Variants in SYT16 observed in about 807,000 individuals in gnomAD.
The protein encoded by SYT16 is synaptotagmin 16.
Under a neutral mutation model 61.4 loss-of-function variants are expected in SYT16, and 42 were observed. The observed-to-expected ratio is 0.68, with a 90% CI of 0.53 to 0.89. SYT16 has a LOEUF of 0.89. Among genes scored for constraint, SYT16 ranks in the 40% least tolerant of loss-of-function variants. The pLI is 0.00. For synonymous variants in SYT16, 314 were observed against 302.3 expected (o/e 1.04, Z -0.40); for missense variants, 804 against 807.3 (o/e 1.00, Z 0.05).
intron 3 of SYT16, among the ~76,000 whole-genome samples, chr14:62,033,718 A>G (rs2054396363): frequency 6.6e-6 from 1 of 152,190 alleles, no homozygotes; most frequent in South Asian, 2.1e-4. Flanking sequence ...ACTCAGACCC[A>G]TAGACATAAA....
chr14:61,872,850 T>G (rs2047372064), intron 1 of SYT16, among the ~76,000 whole-genome samples: 1 of 152,238 alleles, frequency 6.6e-6, no homozygotes, highest in African/African-American at 2.4e-5. Context: ...ATTCAATCTC[T>G]ATTGACTATG....
At chr14:62,000,098 GATTTT>G (rs778607663) in intron 3 of SYT16, among the ~76,000 whole-genome samples, 14,773 of 35,106 alleles carry the variant, frequency 0.42, 2,114 homozygotes, top group Non-Finnish European at 0.45. Flanking sequence ...TTTGTCTCTC[GATTTT>G]TTTTTTTTTT....
At chr14:61,919,048 C>T (rs556489836) in intron 1 of SYT16, among the ~76,000 whole-genome samples, 7 of 152,172 alleles carry the variant, frequency 4.6e-5, no homozygotes, top group Non-Finnish European at 7.3e-5. Context: ...TTTTAACCTG[C>T]CTTTGGCAGT....
At chr14:61,830,605 A>G (rs1206766958) in intron 1 of SYT16, among the ~76,000 whole-genome samples, 1 of 152,168 alleles carries the variant, frequency 6.6e-6, no homozygotes, top group Non-Finnish European at 1.5e-5. Context: ...ACAGATTGAC[A>G]AGATTTCTTT....
intron 3 of SYT16, among the ~76,000 whole-genome samples, chr14:62,046,634 G>T (rs2055000382): frequency 6.6e-6 from 1 of 152,142 alleles, no homozygotes; most frequent in Non-Finnish European, 1.5e-5. Flanking sequence ...TTTTATATAA[G>T]GTGTAAGGAA....
At chr14:62,061,844 A>G (rs1279365777) in intron 3 of SYT16, among the ~76,000 whole-genome samples, 1 of 152,162 alleles carries the variant, frequency 6.6e-6, no homozygotes, top group African/African-American at 2.4e-5. Context: ...ATGAAAAAAA[A>G]CAGCAAGTAT....
chr14:61,996,106 G>A lies in SYT16; in HGVS notation c.87G>A (p.Gln29=). 1 of 1,613,176 alleles carries A rather than the reference G, an allele frequency of 6.2e-7. No homozygotes were observed. The highest frequency in any genetic ancestry group is 8.5e-7 in the Non-Finnish European group (1 of 1,179,456). Residue 29 remains glutamine, a synonymous_variant, in exon 3 of 8, where the codon CAG becomes CAA. Coordinates refer to ENST00000683842, the MANE Select transcript of SYT16 (RefSeq NM_001367656.1). ...TATCTCGGGTTTATGAAGCTCTCCA[G>A]CAAGCAGGAGATATGTTATCTGCTT... ...SWISRVYEAL[Q]QAGDMLSASL... is the part of the protein sequence containing the mutation.
chr14:61,839,800 A>T (rs1021926304), intron 1 of SYT16, among the ~76,000 whole-genome samples: 3 of 152,046 alleles, frequency 2.0e-5, no homozygotes, highest in African/African-American at 4.8e-5. Flanking sequence ...TTACTTAGGG[A>T]AATGTGCCAG....
intron 3 of SYT16, among the ~76,000 whole-genome samples, chr14:62,025,286 A>G (rs1015044008): frequency 6.6e-6 from 1 of 152,064 alleles, no homozygotes; most frequent in Non-Finnish European, 1.5e-5. Context: ...AGCATTTACC[A>G]TTTCTAATAA....
At chr14:61,922,386 A>G (rs2049366726) in intron 1 of SYT16, among the ~76,000 whole-genome samples, 2 of 152,238 alleles carry the variant, frequency 1.3e-5, no homozygotes, top group South Asian at 2.1e-4. Context: ...TTTCAGGAAC[A>G]TGGATGGAGC....
At chr14:61,814,744 C>T (rs928323044) in intron 1 of SYT16, among the ~76,000 whole-genome samples, 2 of 152,186 alleles carry the variant, frequency 1.3e-5, no homozygotes, top group African/African-American at 2.4e-5. Flanking sequence ...TGTGGAGAAA[C>T]ATTATTTTGT....
At chr14:62,050,154 G>A (rs1174515670) in intron 3 of SYT16, among the ~76,000 whole-genome samples, 2 of 152,128 alleles carry the variant, frequency 1.3e-5, no homozygotes, top group Non-Finnish European at 2.9e-5. Context: ...CATATTTCTT[G>A]GAGGCTTTGT....
At chr14:61,900,694 T>G (rs916622916) in intron 1 of SYT16, among the ~76,000 whole-genome samples, 9 of 152,166 alleles carry the variant, frequency 5.9e-5, no homozygotes, top group South Asian at 2.1e-4. Context: ...AATTGCTCAA[T>G]GGGTCACTGG....
intron 1 of SYT16, among the ~76,000 whole-genome samples, chr14:61,948,477 G>A (rs1270445061): frequency 2.7e-4 from 41 of 152,062 alleles, no homozygotes; most frequent in Admixed American, 2.7e-3. Flanking sequence ...AGGCTTTCAC[G>A]GCAGTCGGGC....
At chr14:61,926,645 G>A (rs2049552121) in intron 1 of SYT16, among the ~76,000 whole-genome samples, 1 of 152,154 alleles carries the variant, frequency 6.6e-6, no homozygotes, top group Non-Finnish European at 1.5e-5. Flanking sequence ...TTGGACTGAG[G>A]CAGTGGCCAG....
At chr14:61,826,918 G>A (rs1479791307) in intron 1 of SYT16, among the ~76,000 whole-genome samples, 1 of 151,868 alleles carries the variant, frequency 6.6e-6, no homozygotes, top group Non-Finnish European at 1.5e-5. Context: ...CCTTCTTTCC[G>A]TGTCCTTACC....
chr14:62,016,921 C>T (rs1370511101), intron 3 of SYT16, among the ~76,000 whole-genome samples: 1 of 152,086 alleles, frequency 6.6e-6, no homozygotes, highest in African/African-American at 2.4e-5. Flanking sequence ...TATCCCATCA[C>T]CAGTGTGTTT....
At chr14:61,930,917 G>T (rs894656236) in intron 1 of SYT16, among the ~76,000 whole-genome samples, 3 of 152,158 alleles carry the variant, frequency 2.0e-5, no homozygotes, top group Non-Finnish European at 4.4e-5. Flanking sequence ...AGTGCTTCTG[G>T]AATGGAATGC....
chr14:61,986,290 A>T (rs1167759252), intron 2 of SYT16, among the ~76,000 whole-genome samples: 1 of 152,006 alleles, frequency 6.6e-6, no homozygotes, highest in Non-Finnish European at 1.5e-5. Context: ...AGCTCCTATC[A>T]AAAGACTAAT....
Sources: allele counts gnomAD v4.1 joint callset (sites outside exome capture counted in the v4.1 genomes callset), GRCh38; gene constraint gnomAD v4.1.1; transcripts MANE v1.5; gene names NCBI Gene and HGNC (gene_info 2026-07-23, HGNC 2026-07-21).